The following PPFIA2 variants were observed in gnomAD, a reference collection of about 807,000 sequenced individuals.
The protein encoded by PPFIA2 is PPFI scaffold protein A2.
A neutral mutation model predicts 175.5 loss-of-function variants in PPFIA2; 46 were observed. The observed-to-expected ratio is 0.26, with a 90% CI of 0.21 to 0.34. The LOEUF is 0.34. PPFIA2 is among the 10% of genes least tolerant of loss of function. The pLI, the probability that PPFIA2 is intolerant of heterozygous loss-of-function variation, is 1.00. For synonymous variants in PPFIA2, 568 were observed against 511.4 expected, an observed-to-expected ratio of 1.11 and a Z score of -1.49; for missense variants, 1,179 against 1,506.1, an observed-to-expected ratio of 0.78 and a Z score of 3.60.
intron 3 of PPFIA2, among the ~76,000 whole-genome samples, chr12:81,700,977 G>A (rs926736039): frequency 9.2e-5 from 14 of 152,040 alleles, no homozygotes; most frequent in African/African-American, 3.4e-4. Context: ...AAAAGGTTTG[G>A]AAGATAAAGA....
rs1397589086 is a variant in PPFIA2, at chr12:81,749,797, A to G, written c.249+4176T>C. On this transcript the variant is annotated intron_variant, in intron 3 of 32. Transcript: ENST00000549396. Reference sequence around the variant, plus strand: ...GTATTAAACACTTTTTGTAGCATGGAAATCTGAAGTTCTGACTCAAACTGG... The same window carrying G: ...GTATTAAACACTTTTTGTAGCATGGGAATCTGAAGTTCTGACTCAAACTGG... Among the ~76,000 whole-genome samples the G allele has an allele frequency of 1.4e-5, 2 of 144,356 alleles. 1 individual carries two copies. The highest frequency in any genetic ancestry group is 4.9e-5 in the African/African-American group (2 of 41,068). The allele number at this position is 144,356 out of a possible 152,430, so 94.7% of individuals were successfully genotyped here. A position where few individuals can be genotyped will look rare whatever the true frequency, so the allele number is the denominator to read the frequency against.
At chr12:81,458,350 TTTTACAAAATA>T (rs1223535588) in intron 4 of PPFIA2, among the ~76,000 whole-genome samples, 617 of 4,796 alleles carry the variant, frequency 0.13, 3 homozygotes, top group African/African-American at 0.29. Flanking sequence ...CTTTTTTTTT[TTTTACAAAATA>T]ACAAAATAAC....
chr12:81,503,003 A>G (rs1390911083), intron 4 of PPFIA2, among the ~76,000 whole-genome samples: 3 of 152,226 alleles, frequency 2.0e-5, no homozygotes, highest in Middle Eastern at 3.4e-3. Flanking sequence ...AGGAAGAGAA[A>G]GAGAATTCAA....
At chr12:81,373,538 T>C (rs2035679141) in intron 11 of PPFIA2, among the ~76,000 whole-genome samples, 1 of 152,002 alleles carries the variant, frequency 6.6e-6, no homozygotes, top group Non-Finnish European at 1.5e-5. Context: ...TATAATCCCA[T>C]CTTAATCAGT....
intron 4 of PPFIA2, among the ~76,000 whole-genome samples, chr12:81,624,257 G>A (rs1012620350): frequency 1.3e-5 from 2 of 151,212 alleles, no homozygotes; most frequent in African/African-American, 2.4e-5. Context: ...AAAATATAGA[G>A]TAGATTCATA....
intron 17 of PPFIA2, 146 bp from the exon 18 acceptor site, chr12:81,347,916 T>C: frequency 1.5e-6 from 2 of 1,294,946 alleles, no homozygotes; most frequent in Non-Finnish European, 2.0e-6. Flanking sequence ...TTCATCTTTT[T>C]TTTTTCTCTA....
At chr12:81,418,194 C>T (rs2045650035) in intron 7 of PPFIA2, among the ~76,000 whole-genome samples, 1 of 151,712 alleles carries the variant, frequency 6.6e-6, no homozygotes, top group Non-Finnish European at 1.5e-5. Flanking sequence ...ACTTGGTGGG[C>T]GTTATAGCTC....
intron 3 of PPFIA2, among the ~76,000 whole-genome samples, chr12:81,733,577 AT>A (rs1478524316): frequency 6.6e-6 from 1 of 151,688 alleles, no homozygotes; most frequent in Non-Finnish European, 1.5e-5. Context: ...CTTTTCTGAG[AT>A]TTTATCTATA....
At chr12:81,303,805 C>A (rs967453774) in intron 22 of PPFIA2, among the ~76,000 whole-genome samples, 1 of 152,058 alleles carries the variant, frequency 6.6e-6, no homozygotes, top group East Asian at 1.9e-4. Context: ...GATAAAAGAC[C>A]AATAGGTTCT....
chr12:81,493,766 A>C (rs975495633), intron 4 of PPFIA2, among the ~76,000 whole-genome samples: 17 of 131,014 alleles, frequency 1.3e-4, no homozygotes, highest in Admixed American at 1.1e-3. Context: ...ATATATATAT[A>C]TATATATATA....
chr12:81,660,872 A>G (rs183928804), intron 4 of PPFIA2, among the ~76,000 whole-genome samples: 9 of 152,334 alleles, frequency 5.9e-5, no homozygotes, highest in African/African-American at 1.7e-4. Flanking sequence ...TACAAGCCAG[A>G]TGAGAGTGGG....
At chr12:81,428,345 C>A (rs1185655461) in intron 7 of PPFIA2, among the ~76,000 whole-genome samples, 2 of 152,078 alleles carry the variant, frequency 1.3e-5, no homozygotes, top group East Asian at 3.9e-4. Flanking sequence ...CTTTTAACTT[C>A]TATTTTAGAT....
chr12:81,327,972 G>C (rs532928263), intron 21 of PPFIA2, among the ~76,000 whole-genome samples: 1 of 152,172 alleles, frequency 6.6e-6, no homozygotes, highest in East Asian at 1.9e-4. Flanking sequence ...CAAATGGGAC[G>C]TAAGGCCATT....
intron 3 of PPFIA2, among the ~76,000 whole-genome samples, chr12:81,741,635 AT>A (rs11325864): frequency 0.92 from 134,083 of 145,590 alleles, 61,748 homozygotes; most frequent in East Asian, 0.99. Context: ...TTTTTTGGTG[AT>A]TTTTTTTTTT....
chr12:81,522,724 C>T (rs2063300287), intron 4 of PPFIA2, among the ~76,000 whole-genome samples: 1 of 152,194 alleles, frequency 6.6e-6, no homozygotes, highest in African/African-American at 2.4e-5. Flanking sequence ...TTTTCCATGA[C>T]AAATAACTCT....
At position 81,692,786 on chromosome 12, in the gene PPFIA2, G is replaced by A. The variant is rs1262642480; in HGVS notation, c.250-15942C>T. On this transcript the variant is annotated intron_variant, in intron 3 of 32. Transcript: ENST00000549396. ...CTTCCACACATATTTTCATAGTATT[G>A]GTCAATTTTGAATGTATAACAATCA... 3.3e-5 allele frequency among the ~76,000 whole-genome samples: 5 copies of A among 151,804 alleles called. No homozygotes were observed. In the East Asian group the frequency reaches 7.8e-4, roughly 24 times the overall value.
At chr12:81,379,737 A>T (rs2141863044) in intron 9 of PPFIA2, among the ~76,000 whole-genome samples, 1 of 152,316 alleles carries the variant, frequency 6.6e-6, no homozygotes, top group East Asian at 1.9e-4. Context: ...TGAAGACAAA[A>T]TGTAAAATGA....
rs961835931 is a variant in PPFIA2, at chr12:81,553,254, G to GA, written c.304-95389dup. On this transcript the variant is annotated intron_variant, in intron 4 of 32. Transcript: ENST00000549396. ...TTCTAAGCAAAGGAAATAAAAATAG[G>GA]AAAAAAAACCAAGAAGCATTAGAAT... Among the ~76,000 whole-genome samples, 79 of 151,096 alleles carry GA rather than the reference G, an allele frequency of 5.2e-4. 1 individual carries two copies. The highest frequency in any genetic ancestry group is 2.3e-3 in the South Asian group (11 of 4,778).
At chr12:81,707,534 G>A (rs1261052297) in intron 3 of PPFIA2, among the ~76,000 whole-genome samples, 1 of 150,682 alleles carries the variant, frequency 6.6e-6, no homozygotes, top group Non-Finnish European at 1.5e-5. Context: ...AGGTGCTGGA[G>A]AGGATGTGGA....
Sources: gnomAD v4.1 joint callset for allele counts (sites outside exome capture counted in the v4.1 genomes callset) on GRCh38, gnomAD v4.1.1 for gene constraint, MANE v1.5 for transcripts, NCBI Gene and HGNC (gene_info 2026-07-23, HGNC 2026-07-21) for gene names.